DDX60: variants seen among roughly 807,000 people sequenced by gnomAD.
DDX60 encodes DExD/H-box helicase 60.
A neutral mutation model predicts 212.8 loss-of-function variants in DDX60; 165 were observed. The ratio of observed to expected loss-of-function variants is 0.78; its 90% confidence interval spans 0.68 to 0.88. DDX60 has a LOEUF of 0.88. Ranked by LOEUF, DDX60 falls within the 40% of genes least tolerant of loss-of-function variation. The pLI, the probability that DDX60 is intolerant of heterozygous loss-of-function variation, is 0.00. For synonymous variants in DDX60, 703 were observed against 685.3 expected, an observed-to-expected ratio of 1.03 and a Z score of -0.40; for missense variants, 1,905 against 2,003.9, an observed-to-expected ratio of 0.95 and a Z score of 0.94.
In DDX60 at chr4:168,276,172, G is replaced by A. The variant is rs140225120; in HGVS notation, c.1988C>T (p.Thr663Met). 275 of 1,602,104 alleles carry A rather than the reference G, an allele frequency of 1.7e-4. 2 individuals are homozygous for A. The Middle Eastern group carries it at 4.2e-3, about 24-fold the overall frequency. The change falls in exon 15 of 38, where the codon ACG (threonine) becomes ATG (methionine). Residue 663 changes from threonine to methionine, a missense_variant. Coordinates refer to ENST00000393743, the MANE Select transcript of DDX60 (RefSeq NM_017631.6). ...CTGAACAGCTATACTTAAATCTTTC[G>A]TGGTTTTACCTTGATAAACAATAAA... ...EHCRSEEGKTTKDLSIAVQVM... is the reference protein window; with the variant it reads ...EHCRSEEGKTMKDLSIAVQVM...
At chr4:168,302,539 T>C (rs1339494176) in intron 5 of DDX60, 123 bp from the exon 6 acceptor site, 1 of 454,396 alleles carries the variant, frequency 2.2e-6, no homozygotes, top group African/African-American at 2.0e-5. Flanking sequence ...GAAAAAAATA[T>C]GCCAATGTAA....
At chr4:168,299,107 A>G (rs1042264162) in intron 6 of DDX60, among the ~76,000 whole-genome samples, 2 of 143,010 alleles carry the variant, frequency 1.4e-5, no homozygotes, top group Non-Finnish European at 3.0e-5. Flanking sequence ...GATGCAGTGA[A>G]CCGAGATTGT....
chr4:168,239,768 G>C (rs574422495), intron 30 of DDX60, among the ~76,000 whole-genome samples: 65 of 152,148 alleles, frequency 4.3e-4, no homozygotes, highest in South Asian at 4.1e-4. Flanking sequence ...TGGGAAAGAG[G>C]AAGAAGTGAG....
At chr4:168,312,315 A>G (rs929101427) in intron 1 of DDX60, among the ~76,000 whole-genome samples, 3 of 152,196 alleles carry the variant, frequency 2.0e-5, no homozygotes, top group Non-Finnish European at 4.4e-5. Context: ...CCCATAAGCC[A>G]TGATATGTAA....
At position 168,288,179 on chromosome 4, in the gene DDX60, A is replaced by ACATTTT. The variant is rs748911581; in HGVS notation, c.1172_1177dup (p.Glu391_Asn392dup). 1 of 1,476,828 alleles carries ACATTTT rather than the reference A, an allele frequency of 6.8e-7. No homozygotes were observed. The highest frequency in any genetic ancestry group is 1.2e-5 in the South Asian group (1 of 80,664). 91.5% of individuals were successfully genotyped at this position (1,476,828 alleles called of 1,614,324 possible). A position where few individuals can be genotyped will look rare whatever the true frequency, so the allele number is the denominator to read the frequency against. ...ATAATATACTGAGATGGTACCTTTT[A>ACATTTT]CATTTTCATTTTCATAGTAAAAAGC... On this transcript the variant is annotated inframe_insertion, in exon 9 of 38. Transcript: ENST00000393743.
intron 8 of DDX60, among the ~76,000 whole-genome samples, chr4:168,290,755 T>C (rs1736059214): frequency 6.6e-6 from 1 of 152,180 alleles, no homozygotes; most frequent in Admixed American, 6.5e-5. Flanking sequence ...CATAATTACT[T>C]TTAAAATTTA....
chr4:168,225,370 T>G (rs17053810), intron 34 of DDX60, among the ~76,000 whole-genome samples, 159 bp downstream of exon 34: 2,466 of 152,174 alleles, frequency 0.016, 64 homozygotes, highest in African/African-American at 0.054. Flanking sequence ...TTTTAATGTC[T>G]AATAAGCAAA....
intron 25 of DDX60, among the ~76,000 whole-genome samples, chr4:168,258,239 C>T (rs1734492890): frequency 6.6e-6 from 1 of 152,226 alleles, no homozygotes. Context: ...ATTTAATTCT[C>T]ACTCCAATCC....
At chr4:168,322,793 T>C (rs1309275846), upstream of DDX60, among the ~76,000 whole-genome samples, 1 of 152,162 alleles carries the variant, frequency 6.6e-6, no homozygotes, top group Admixed American at 6.5e-5. Context: ...AAGGAAACTG[T>C]GTGCCACACA....
At chr4:168,222,381 T>C (rs1733092242) in intron 35 of DDX60, among the ~76,000 whole-genome samples, 1 of 152,120 alleles carries the variant, frequency 6.6e-6, no homozygotes. Context: ...GTCTGCTCAT[T>C]TTTTGCAAAC....
intron 1 of DDX60, among the ~76,000 whole-genome samples, chr4:168,316,630 G>C (rs189308107): frequency 1.1e-3 from 166 of 152,206 alleles, no homozygotes; most frequent in African/African-American, 3.9e-3. Context: ...TTCATTTCTA[G>C]AAATAATGCA....
intron 1 of DDX60, among the ~76,000 whole-genome samples, chr4:168,313,107 A>G (rs1327031193): frequency 2.0e-5 from 3 of 152,170 alleles, no homozygotes; most frequent in Non-Finnish European, 4.4e-5. Context: ...ACTACATCTA[A>G]TTTGCTGTGT....
At chr4:168,299,672 T>C (rs1395202341) in intron 6 of DDX60, among the ~76,000 whole-genome samples, 1 of 152,142 alleles carries the variant, frequency 6.6e-6, no homozygotes, top group Non-Finnish European at 1.5e-5. Context: ...TTCACAAAGT[T>C]CTATGCAAAT....
intron 29 of DDX60, 29 bp downstream of exon 29, chr4:168,248,159 A>G (rs774715181): frequency 2.0e-6 from 3 of 1,489,294 alleles, no homozygotes. Context: ...TCAGCAATAC[A>G]ATAAGCAAGT....
chr4:168,236,201 T>C, intron 33 of DDX60, 51 bp downstream of exon 33: 2 of 1,553,656 alleles, frequency 1.3e-6, no homozygotes, highest in Non-Finnish European at 1.8e-6. Flanking sequence ...TTAGGTAAGA[T>C]CTATTTAGTG....
chr4:168,296,869 G>A (rs1036689269), intron 6 of DDX60, among the ~76,000 whole-genome samples: 4 of 140,568 alleles, frequency 2.8e-5, no homozygotes, highest in Non-Finnish European at 3.0e-5. Flanking sequence ...CATACAAAAA[G>A]TGATCTTTTT....
intron 3 of DDX60, among the ~76,000 whole-genome samples, 199 bp from the exon 4 acceptor site, chr4:168,308,394 A>T (rs1736983537): frequency 6.6e-6 from 1 of 152,176 alleles, no homozygotes; most frequent in African/African-American, 2.4e-5. Flanking sequence ...GGGATTATTC[A>T]CATCTTAGGC....
chr4:168,256,504 G>A (rs548494621), intron 25 of DDX60, among the ~76,000 whole-genome samples: 1 of 152,106 alleles, frequency 6.6e-6, no homozygotes, highest in Non-Finnish European at 1.5e-5. Flanking sequence ...CCTGGTCTAG[G>A]TTGGCTTTCT....
intron 3 of DDX60, among the ~76,000 whole-genome samples, chr4:168,310,718 G>A (rs544086313): frequency 6.6e-6 from 1 of 152,278 alleles, no homozygotes; most frequent in East Asian, 1.9e-4. Flanking sequence ...TAAATGTGAT[G>A]ATTGGGTTTT....
Sources: allele counts gnomAD v4.1 joint callset (sites outside exome capture counted in the v4.1 genomes callset), GRCh38; gene constraint gnomAD v4.1.1; transcripts MANE v1.5; gene names NCBI Gene and HGNC (gene_info 2026-07-23, HGNC 2026-07-21).